Variants in TRDN observed in about 807,000 individuals in gnomAD.
TRDN encodes triadin in skeletal muscle.
TRDN carries 161 observed loss-of-function variants against 149.7 expected under a neutral mutation model. That is an observed-to-expected ratio of 1.08 (90% CI 0.95 to 1.23). The LOEUF is 1.23. Among genes scored for constraint, TRDN ranks in the 50% most tolerant of loss-of-function variants. TRDN has a pLI of 0.00. For missense variants in TRDN, 896 were observed against 823.5 expected (o/e 1.09, Z -1.08); for synonymous variants, 294 against 250.5 (o/e 1.17, Z -1.64).
chr6:123,415,915 T>G (rs893323982), intron 12 of TRDN, among the ~76,000 whole-genome samples: 1 of 152,226 alleles, frequency 6.6e-6, no homozygotes, highest in African/African-American at 2.4e-5. Context: ...TAGTTTTATA[T>G]GTGCTCAATA....
intron 1 of TRDN, among the ~76,000 whole-genome samples, chr6:123,603,589 C>T (rs1053500435): frequency 6.6e-6 from 1 of 152,100 alleles, no homozygotes; most frequent in Non-Finnish European, 1.5e-5. Flanking sequence ...GTTTACTAAG[C>T]ACTTACTATG....
chr6:123,280,756 C>T (rs1777554569), intron 24 of TRDN, among the ~76,000 whole-genome samples: 1 of 149,790 alleles, frequency 6.7e-6, no homozygotes, highest in Non-Finnish European at 1.5e-5. Context: ...CTTTTATGTG[C>T]TAATACTACT....
intron 23 of TRDN, among the ~76,000 whole-genome samples, chr6:123,319,517 A>G (rs1779165069): frequency 6.6e-6 from 1 of 152,086 alleles, no homozygotes; most frequent in Non-Finnish European, 1.5e-5. Context: ...AAGCTTAATG[A>G]AAAGTTATAA....
intron 12 of TRDN, among the ~76,000 whole-genome samples, chr6:123,414,026 A>G (rs970927702): frequency 6.6e-6 from 1 of 152,098 alleles, no homozygotes; most frequent in Non-Finnish European, 1.5e-5. Flanking sequence ...ATCACACATC[A>G]GAAGGCACCT....
chr6:123,472,863 A>G (rs1158054105), intron 9 of TRDN, among the ~76,000 whole-genome samples: 1 of 152,158 alleles, frequency 6.6e-6, no homozygotes, highest in Admixed American at 6.5e-5. Context: ...GGGTATTCCA[A>G]CAGACCTGCA....
At chr6:123,433,162 A>ATATATATATAAT (rs796874348) in intron 12 of TRDN, among the ~76,000 whole-genome samples, 2 of 80,032 alleles carry the variant, frequency 2.5e-5, no homozygotes, top group African/African-American at 4.7e-5. Flanking sequence ...ATATATATAT[A>ATATATATATAAT]ATATATATAT....
At chr6:123,361,963 C>T (rs530534759) in intron 20 of TRDN, among the ~76,000 whole-genome samples, 1 of 152,250 alleles carries the variant, frequency 6.6e-6, no homozygotes, top group South Asian at 2.1e-4. Flanking sequence ...TCTAGAACCA[C>T]CTATGTGATG....
chr6:123,537,892 A>T (rs1338935110), intron 4 of TRDN, among the ~76,000 whole-genome samples: 2 of 152,218 alleles, frequency 1.3e-5, no homozygotes, highest in African/African-American at 4.8e-5. Context: ...TGATCATACC[A>T]AAGCTTGCTG....
At chr6:123,349,967 A>G in intron 21 of TRDN, 1 of 985,332 alleles carries the variant, frequency 1.0e-6, no homozygotes, top group Non-Finnish European at 1.2e-6. Flanking sequence ...TCAAAAGCAA[A>G]GAAAGAAACT....
intron 19 of TRDN, among the ~76,000 whole-genome samples, chr6:123,373,160 T>G (rs1228301515): frequency 6.6e-6 from 1 of 152,194 alleles, no homozygotes; most frequent in Admixed American, 6.5e-5. Flanking sequence ...AATCTCATCT[T>G]CAATTCCCAC....
chr6:123,590,141 A>AGCAGGAGGTGAGCAGCGG (rs1783708995), intron 1 of TRDN, among the ~76,000 whole-genome samples: 1 of 152,198 alleles, frequency 6.6e-6, no homozygotes, highest in Non-Finnish European at 1.5e-5. Flanking sequence ...CAGGTCACAC[A>AGCAGGAGGTGAGCAGCGG]GCAGGAGGTG....
intron 23 of TRDN, among the ~76,000 whole-genome samples, chr6:123,319,299 G>A: frequency 6.6e-6 from 1 of 151,798 alleles, no homozygotes. Context: ...AGTGGCAACG[G>A]ATTTTCTAAG....
At chr6:123,289,323 G>A (rs1050503909) in intron 24 of TRDN, among the ~76,000 whole-genome samples, 1 of 151,904 alleles carries the variant, frequency 6.6e-6, no homozygotes, top group Non-Finnish European at 1.5e-5. Context: ...AGAGGGTAGA[G>A]AATAGAGGGA....
In TRDN at chr6:123,356,597, A is replaced by G. The variant is rs192769009; in HGVS notation, c.1322-4011T>C. 4.8e-5 allele frequency among the ~76,000 whole-genome samples: 7 copies of G among 146,366 alleles called. No homozygotes were observed. In the East Asian group the frequency reaches 1.4e-3, roughly 29 times the overall value. On this transcript the variant is annotated intron_variant, in intron 20 of 40. Coordinates refer to ENST00000334268, the MANE Select transcript of TRDN (RefSeq NM_006073.4). Reference sequence around the variant, plus strand: ...GGTATTACAGTAATTCTAACCCCATATAATGAGAGAATATTACCTCTTTTT... The same window carrying G: ...GGTATTACAGTAATTCTAACCCCATGTAATGAGAGAATATTACCTCTTTTT...
chr6:123,326,966 G>A (rs2114718567), intron 23 of TRDN, among the ~76,000 whole-genome samples: 1 of 152,020 alleles, frequency 6.6e-6, no homozygotes, highest in African/African-American at 2.4e-5. Context: ...CTCTCTTTGT[G>A]TCTTAAGAAA....
At chr6:123,267,176 T>C (rs1161604848) in intron 32 of TRDN, among the ~76,000 whole-genome samples, 1 of 150,780 alleles carries the variant, frequency 6.6e-6, no homozygotes, top group African/African-American at 2.4e-5. Flanking sequence ...CTGGTAGAAT[T>C]TACCAAAAGA....
At chr6:123,338,163 T>A (rs1429197296) in intron 21 of TRDN, among the ~76,000 whole-genome samples, 3 of 152,282 alleles carry the variant, frequency 2.0e-5, no homozygotes, top group Admixed American at 1.3e-4. Context: ...AAGTACTGGC[T>A]CCAGTAGTTG....
intron 13 of TRDN, among the ~76,000 whole-genome samples, chr6:123,393,158 G>A (rs1263661318): frequency 1.3e-5 from 2 of 151,912 alleles, no homozygotes; most frequent in Admixed American, 6.6e-5. Flanking sequence ...CATAAAAATA[G>A]GATAATTATT....
chr6:123,286,360 A>G (rs1196879493), intron 24 of TRDN, among the ~76,000 whole-genome samples: 4 of 152,120 alleles, frequency 2.6e-5, no homozygotes, highest in African/African-American at 4.8e-5. Context: ...AAAGGAACGA[A>G]TTAATGACAT....
Sources: allele counts gnomAD v4.1 joint callset (sites outside exome capture counted in the v4.1 genomes callset), GRCh38; gene constraint gnomAD v4.1.1; transcripts MANE v1.5; gene names NCBI Gene and HGNC (gene_info 2026-07-23, HGNC 2026-07-21).